ABCC11: variants seen among roughly 807,000 people sequenced by gnomAD.
ABCC11 encodes the protein ATP binding cassette subfamily C member 11, also known as ATP-binding cassette sub-family C member 11.
Under a neutral mutation model 149.3 loss-of-function variants are expected in ABCC11, and 135 were observed. That is an observed-to-expected ratio of 0.90 (90% confidence interval 0.79 to 1.04). The LOEUF (loss-of-function observed/expected upper bound fraction) is 1.04, where lower values mean the gene tolerates loss of function less well. Among genes scored for constraint, ABCC11 ranks in the 50% least tolerant of loss-of-function variants. The pLI, the probability that ABCC11 is intolerant of heterozygous loss-of-function variation, is 0.00. For synonymous variants in ABCC11, 665 were observed against 671.4 expected (o/e 0.99, Z 0.15); for missense variants, 1,680 against 1,722.1 (o/e 0.98, Z 0.43).
chr16:48,176,742 T>C (rs1966099196), intron 25 of ABCC11, among the ~76,000 whole-genome samples, 182 bp downstream of exon 25: 1 of 152,162 alleles, frequency 6.6e-6, no homozygotes, highest in Admixed American at 6.5e-5. Context: ...TCCACTGGAA[T>C]CCCATGATCA....
chr16:48,175,508 GC>G (rs1362105869), intron 25 of ABCC11, 91 bp from the exon 26 acceptor site: 1 of 1,394,852 alleles, frequency 7.2e-7, no homozygotes, highest in Admixed American at 2.3e-5. Flanking sequence ...CTGACCCGCT[GC>G]CCTCCGTGGC....
chr16:48,217,222 T>C (rs1036115583), intron 6 of ABCC11, among the ~76,000 whole-genome samples: 1 of 152,172 alleles, frequency 6.6e-6, no homozygotes, highest in Non-Finnish European at 1.5e-5. Flanking sequence ...TTCATTCTAC[T>C]ACTAATAATA....
At chr16:48,173,705 A>G (rs1039040058) in intron 26 of ABCC11, among the ~76,000 whole-genome samples, 1 of 151,944 alleles carries the variant, frequency 6.6e-6, no homozygotes, top group African/African-American at 2.4e-5. Flanking sequence ...GCTCACTGCA[A>G]CCTCCACCTC....
chr16:48,241,334 ATAAC>A (rs1970958891), intron 1 of ABCC11, among the ~76,000 whole-genome samples: 1 of 152,224 alleles, frequency 6.6e-6, no homozygotes, highest in African/African-American at 2.4e-5. Flanking sequence ...CTTCTACAAA[ATAAC>A]TGACTGATAT....
At chr16:48,217,906 A>G (rs944761731) in intron 6 of ABCC11, among the ~76,000 whole-genome samples, 3 of 143,734 alleles carry the variant, frequency 2.1e-5, no homozygotes, top group African/African-American at 7.4e-5. Flanking sequence ...ACATTCACAC[A>G]TGTTAGATGA....
At chr16:48,190,526 G>A (rs147096450) in intron 20 of ABCC11, among the ~76,000 whole-genome samples, 97 of 152,126 alleles carry the variant, frequency 6.4e-4, no homozygotes, top group Non-Finnish European at 1.2e-3. Context: ...CCCATGTCCG[G>A]CTAATTTTTA....
In ABCC11 at chr16:48,194,008, C is replaced by T. The variant is rs1967160322; in HGVS notation, c.2405-26G>A. 26 of 1,556,652 alleles carry T rather than the reference C, an allele frequency of 1.7e-5. No homozygotes were observed. The East Asian group carries it at 5.8e-4, about 35-fold the overall frequency. On this transcript the variant is annotated intron_variant, in intron 18 of 29. Coordinates refer to ENST00000356608, the MANE Select transcript of ABCC11 (RefSeq NM_001370497.1). Reference sequence around the variant, plus strand: ...CTGGGAGGGAGACAGTGGTGATGTACAAGTGCCACAAACAGGTGCGAGGCA... The same window carrying T: ...CTGGGAGGGAGACAGTGGTGATGTATAAGTGCCACAAACAGGTGCGAGGCA...
At chr16:48,167,748 C>G in intron 28 of ABCC11, 88 bp from the exon 29 acceptor site, 1 of 1,427,926 alleles carries the variant, frequency 7.0e-7, no homozygotes, top group East Asian at 2.3e-5. Context: ...TTCACCAGGG[C>G]CCTTCCTCTC....
chr16:48,181,183 C>A (rs1180251422), intron 23 of ABCC11, among the ~76,000 whole-genome samples: 1 of 152,170 alleles, frequency 6.6e-6, no homozygotes, highest in Non-Finnish European at 1.5e-5. Context: ...GATTCCGAAT[C>A]CCCTAAGACA....
chr16:48,244,424 C>T (rs749228537), intron 1 of ABCC11: 3 of 1,583,846 alleles, frequency 1.9e-6, no homozygotes, highest in South Asian at 2.3e-5. Flanking sequence ...TCCCCAGTCG[C>T]CTCCCGCTGC....
intron 24 of ABCC11, 92 bp from the exon 25 acceptor site, chr16:48,177,205 T>A (rs1365969373): frequency 1.4e-5 from 18 of 1,315,486 alleles, no homozygotes; most frequent in Non-Finnish European, 1.9e-5. Flanking sequence ...GTAGGGGGTG[T>A]GACCCACCCC....
chr16:48,222,694 G>A lies in ABCC11; in HGVS notation c.681C>T (p.Asn227=). 1.2e-6 allele frequency: 2 copies of A among 1,614,212 alleles called. No individual in the cohort carries two copies. Among genetic ancestry groups the A allele is most frequent in the Non-Finnish European group, 1.7e-6 (2 of 1,180,034 alleles). ...SLSFSSSWII[N]QRTAIRFRAA... ...CTCGGAACCTGATGGCTGTGCGTTG[G>A]TTGATGATCCAACTGGAGGAGAAAC... Residue 227 remains asparagine, a synonymous_variant, in exon 6 of 30, where the codon AAC becomes AAT. Coordinates refer to ENST00000356608, the MANE Select transcript of ABCC11 (RefSeq NM_001370497.1).
intron 1 of ABCC11, chr16:48,235,095 T>G (rs1173482924): frequency 6.6e-6 from 1 of 152,208 alleles, no homozygotes; most frequent in Non-Finnish European, 1.5e-5. Flanking sequence ...AGACCAGATT[T>G]ATAAAGACCA....
At chr16:48,207,312 G>A (rs776622086) in intron 12 of ABCC11, among the ~76,000 whole-genome samples, 4 of 152,130 alleles carry the variant, frequency 2.6e-5, no homozygotes, top group Non-Finnish European at 2.9e-5. Context: ...TTTAGTGTTC[G>A]TTATAAGGTG....
chr16:48,190,632 TGG>T, intron 20 of ABCC11, among the ~76,000 whole-genome samples: 1 of 152,324 alleles, frequency 6.6e-6, no homozygotes, highest in Middle Eastern at 3.4e-3. Context: ...CCCAAAATGC[TGG>T]GATTCCAGGC....
At chr16:48,168,324 T>C (rs1965470247) in intron 28 of ABCC11, among the ~76,000 whole-genome samples, 1 of 152,142 alleles carries the variant, frequency 6.6e-6, no homozygotes, top group Admixed American at 6.5e-5. Flanking sequence ...GTGAAGAAAG[T>C]ACTACATGTA....
At chr16:48,222,446 A>G in intron 6 of ABCC11, 152 bp downstream of exon 6, 1 of 662,524 alleles carries the variant, frequency 1.5e-6, no homozygotes, top group Non-Finnish European at 2.6e-6. Context: ...GCAATTGTTA[A>G]TGGTTATCCA....
Position 48,234,212 on chromosome 16 carries a change from A to G in ABCC11, c.-18-2273T>C, listed in dbSNP as rs546376784. ...GCAGAGCTGGGAAGAGATGCGCAGC[A>G]CGGCATCATCATATACTGTTTCTAC... On this transcript the variant is annotated intron_variant, in intron 1 of 29. Transcript: ENST00000356608. Among the ~76,000 whole-genome samples the G allele has an allele frequency of 3.9e-5, 6 of 152,384 alleles. 1 individual carries two copies. The South Asian group carries it at 1.2e-3, about 32-fold the overall frequency.
intron 18 of ABCC11, among the ~76,000 whole-genome samples, chr16:48,195,745 C>T (rs935014945): frequency 1.3e-5 from 2 of 152,112 alleles, no homozygotes; most frequent in African/African-American, 2.4e-5. Context: ...CCACTGTGAC[C>T]TTTTGCGATG....
Sources: allele counts gnomAD v4.1 joint callset (sites outside exome capture counted in the v4.1 genomes callset), GRCh38; gene constraint gnomAD v4.1.1; transcripts MANE v1.5; gene names NCBI Gene and HGNC (gene_info 2026-07-23, HGNC 2026-07-21).